The following THSD7A variants were observed in gnomAD, a reference collection of about 807,000 sequenced individuals.
THSD7A encodes the protein thrombospondin type-1 domain-containing protein 7A.
A neutral mutation model predicts 231.3 loss-of-function variants in THSD7A; 96 were observed. The ratio of observed to expected loss-of-function variants is 0.41; its 90% confidence interval spans 0.35 to 0.49. The LOEUF (loss-of-function observed/expected upper bound fraction) is 0.49. THSD7A is among the 20% of genes least tolerant of loss of function. The pLI, the probability that THSD7A is intolerant of heterozygous loss-of-function variation, is 0.05. For missense variants in THSD7A, 2,290 were observed against 2,070.2 expected, an observed-to-expected ratio of 1.11 and a Z score of -2.06; for synonymous variants, 940 against 743.3, an observed-to-expected ratio of 1.26 and a Z score of -4.30.
intron 4 of THSD7A, among the ~76,000 whole-genome samples, chr7:11,568,469 C>T (rs914343669): frequency 2.0e-5 from 3 of 151,428 alleles, no homozygotes; most frequent in African/African-American, 7.3e-5. Flanking sequence ...ACTAAAAATA[C>T]AAAAAATTGG....
intron 1 of THSD7A, among the ~76,000 whole-genome samples, chr7:11,796,147 C>A (rs561112187): frequency 2.7e-5 from 4 of 146,738 alleles, no homozygotes; most frequent in African/African-American, 1.0e-4. Context: ...GATTAATCTT[C>A]ATCGTCTCGT....
intron 23 of THSD7A, among the ~76,000 whole-genome samples, chr7:11,382,926 A>T (rs938438800): frequency 6.8e-6 from 1 of 146,250 alleles, no homozygotes; most frequent in Non-Finnish European, 1.5e-5. Flanking sequence ...ATATATAGTT[A>T]TATATATATA....
At chr7:11,524,497 C>G (rs1340947805) in intron 6 of THSD7A, among the ~76,000 whole-genome samples, 1 of 152,160 alleles carries the variant, frequency 6.6e-6, no homozygotes, top group Non-Finnish European at 1.5e-5. Flanking sequence ...GAAACTAATT[C>G]CCTTCGGATG....
At chr7:11,740,554 G>T (rs1046928553) in intron 1 of THSD7A, among the ~76,000 whole-genome samples, 4 of 151,968 alleles carry the variant, frequency 2.6e-5, no homozygotes, top group Middle Eastern at 3.4e-3. Context: ...TTCCCCCTCA[G>T]CAGCTGGACA....
intron 1 of THSD7A, among the ~76,000 whole-genome samples, chr7:11,823,062 C>A (rs1056460559): frequency 8.6e-5 from 13 of 151,964 alleles, no homozygotes; most frequent in African/African-American, 2.9e-4. Context: ...CATAGGTTTT[C>A]TTCTAGTATT....
intron 1 of THSD7A, among the ~76,000 whole-genome samples, chr7:11,662,449 A>C (rs965220227): frequency 6.6e-6 from 1 of 151,376 alleles, no homozygotes; most frequent in African/African-American, 2.4e-5. Flanking sequence ...AGAGGTATAC[A>C]GTAATTATGA....
intron 6 of THSD7A, among the ~76,000 whole-genome samples, chr7:11,535,442 A>G (rs1406940400): frequency 6.6e-6 from 1 of 152,006 alleles, no homozygotes; most frequent in Non-Finnish European, 1.5e-5. Flanking sequence ...ATTGCTTGAA[A>G]TTTTCTAAAA....
intron 4 of THSD7A, among the ~76,000 whole-genome samples, chr7:11,566,124 A>G (rs1484547908): frequency 1.3e-5 from 2 of 152,106 alleles, no homozygotes; most frequent in Non-Finnish European, 2.9e-5. Context: ...GAAAGGTCAA[A>G]TGTTGCTGAG....
At chr7:11,485,888 C>G (rs995933862) in intron 6 of THSD7A, among the ~76,000 whole-genome samples, 1 of 152,180 alleles carries the variant, frequency 6.6e-6, no homozygotes, top group Non-Finnish European at 1.5e-5. Context: ...ATTGAACAAA[C>G]AGCAACTGAT....
chr7:11,747,048 T>G (rs2128163322), intron 1 of THSD7A, among the ~76,000 whole-genome samples: 1 of 152,054 alleles, frequency 6.6e-6, no homozygotes, highest in Non-Finnish European at 1.5e-5. Context: ...ATTACCGACC[T>G]CTTTAGCTTT....
At chr7:11,804,826 G>C (rs76464637) in intron 1 of THSD7A, among the ~76,000 whole-genome samples, 1 of 151,986 alleles carries the variant, frequency 6.6e-6, no homozygotes, top group Non-Finnish European at 1.5e-5. Flanking sequence ...GCGGCCTCTC[G>C]GTCCCCATGT....
At position 11,814,901 on chromosome 7, in the gene THSD7A, C is replaced by G. The variant is rs1211598600; in HGVS notation, c.190+16856G>C. Among the ~76,000 whole-genome samples the G allele has an allele frequency of 1.3e-5, 2 of 152,032 alleles. No homozygotes were observed. Among genetic ancestry groups the G allele is most frequent in the Non-Finnish European group, 2.9e-5 (2 of 68,016 alleles). ...GCATTTCTGTGATTATCTGTGCCAGCTCATGAGCAGCAGATGCCTTAATCC... is the reference window on the plus strand; with the variant it reads ...GCATTTCTGTGATTATCTGTGCCAGGTCATGAGCAGCAGATGCCTTAATCC... On this transcript the variant is annotated intron_variant, in intron 1 of 27. Coordinates refer to ENST00000423059, the MANE Select transcript of THSD7A (RefSeq NM_015204.3). The surrounding 1 kb of genome is among the most constrained non-coding windows in gnomAD (Gnocchi z 5.1).
intron 1 of THSD7A, among the ~76,000 whole-genome samples, chr7:11,652,926 G>T (rs572132902): frequency 6.6e-6 from 1 of 151,828 alleles, no homozygotes; most frequent in Non-Finnish European, 1.5e-5. Context: ...ATAATCAGTA[G>T]GTGATCAGTT....
intron 4 of THSD7A, among the ~76,000 whole-genome samples, chr7:11,551,967 G>C (rs998330210): frequency 6.6e-6 from 1 of 151,992 alleles, no homozygotes; most frequent in Non-Finnish European, 1.5e-5. Context: ...CAGTGAACTG[G>C]ATAAAGAAAA....
chr7:11,735,875 A>C (rs1781897816), intron 1 of THSD7A, among the ~76,000 whole-genome samples: 1 of 151,994 alleles, frequency 6.6e-6, no homozygotes, highest in Non-Finnish European at 1.5e-5. Context: ...ATACACATGA[A>C]AATATTCTTC....
At chr7:11,808,652 A>G (rs531787382) in intron 1 of THSD7A, among the ~76,000 whole-genome samples, 8 of 152,172 alleles carry the variant, frequency 5.3e-5, no homozygotes, top group Non-Finnish European at 1.0e-4. Flanking sequence ...AAAGGTTTTA[A>G]AACTGTTATG....
chr7:11,488,693 T>C (rs956402967), intron 6 of THSD7A, among the ~76,000 whole-genome samples: 6 of 152,112 alleles, frequency 3.9e-5, no homozygotes, highest in African/African-American at 1.4e-4. Context: ...CAAGGGTCTG[T>C]TTCTAAAATC....
intron 2 of THSD7A, among the ~76,000 whole-genome samples, chr7:11,615,108 G>C (rs1781060853): frequency 6.6e-6 from 1 of 152,186 alleles, no homozygotes; most frequent in Non-Finnish European, 1.5e-5. Flanking sequence ...GAAAGATGCA[G>C]ACTACATATC....
At chr7:11,555,217 A>G (rs4571634) in intron 4 of THSD7A, among the ~76,000 whole-genome samples, 26,389 of 151,650 alleles carry the variant, frequency 0.17, 2,310 homozygotes, top group Admixed American at 0.2. Flanking sequence ...CTCTTTTCCA[A>G]TGTAAGCATT....
Sources: allele counts gnomAD v4.1 joint callset (sites outside exome capture counted in the v4.1 genomes callset), GRCh38; gene constraint gnomAD v4.1.1; non-coding constraint Gnocchi (gnomAD v3.1); transcripts MANE v1.5; gene names NCBI Gene and HGNC (gene_info 2026-07-23, HGNC 2026-07-21).